Variants in CEP55 observed in about 807,000 individuals in gnomAD.
CEP55 encodes centrosomal protein of 55 kDa.
In CEP55, 57 loss-of-function variants were observed where a neutral mutation model predicts 63.2. That is an observed-to-expected ratio of 0.90 (90% CI 0.73 to 1.13). The LOEUF (loss-of-function observed/expected upper bound fraction) is 1.13. CEP55 is among the 50% of genes most tolerant of loss of function. The pLI is 0.00. For missense variants in CEP55, 456 were observed against 518.9 expected (o/e 0.88, Z 1.18); for synonymous variants, 178 against 191.6 (o/e 0.93, Z 0.59).
intron 3 of CEP55, among the ~76,000 whole-genome samples, chr10:93,504,174 C>T (rs1042610363): frequency 3.3e-5 from 5 of 152,056 alleles, no homozygotes; most frequent in Non-Finnish European, 5.9e-5. Flanking sequence ...ATAATACTAA[C>T]ATTAATATCA....
At chr10:93,521,380 T>C (rs1355016585) in intron 8 of CEP55, among the ~76,000 whole-genome samples, 1 of 152,114 alleles carries the variant, frequency 6.6e-6, no homozygotes, top group Non-Finnish European at 1.5e-5. Context: ...AACTGCAAGG[T>C]AGCAGTGAGG....
At chr10:93,527,811 G>T in intron 8 of CEP55, 139 bp from the exon 9 acceptor site, 1 of 678,936 alleles carries the variant, frequency 1.5e-6, no homozygotes. Flanking sequence ...AGCCTGGGAG[G>T]TCGAGGCTGC....
At chr10:93,499,393 C>CT (rs2057607466) in intron 1 of CEP55, among the ~76,000 whole-genome samples, 1 of 151,906 alleles carries the variant, frequency 6.6e-6, no homozygotes, top group African/African-American at 2.4e-5. Flanking sequence ...TGACCTACTT[C>CT]TTTCAGGCTT....
intron 1 of CEP55, among the ~76,000 whole-genome samples, chr10:93,498,134 G>T (rs1461362984): frequency 2.2e-5 from 3 of 134,120 alleles, no homozygotes; most frequent in Non-Finnish European, 3.1e-5. Flanking sequence ...CTAACGCCCC[G>T]CCCCCGCCAA....
chr10:93,527,096 G>T (rs1181611546), intron 8 of CEP55, among the ~76,000 whole-genome samples: 1 of 149,510 alleles, frequency 6.7e-6, no homozygotes, highest in Non-Finnish European at 1.5e-5. Context: ...AAAAAAAAAA[G>T]AATTTGTAAT....
Position 93,519,762 on chromosome 10 carries a change from G to C in CEP55, c.1146G>C (p.Lys382Asn), listed in dbSNP as rs1328449356. Residue 382 changes from lysine (K) to asparagine (N), a missense_variant, in exon 8 of 9, where the codon AAG becomes AAC. Transcript: ENST00000371485. The part of the protein sequence containing the change: ...HVQHQLHVIL[K>N]ELRKARNQIT... ...AGCATCAATTGCATGTAATTCTTAA[G>C]GAGCTCCGAAAAGCAAGAAATCAAA... The C allele has an allele frequency of 8.1e-6, 13 of 1,614,100 alleles. No individual in the cohort carries two copies. Among genetic ancestry groups the C allele is most frequent in the Non-Finnish European group, 1.1e-5 (13 of 1,179,994 alleles).
intron 4 of CEP55, chr10:93,510,563 AAACCC>A (rs2057735547): frequency 6.6e-6 from 1 of 152,168 alleles, no homozygotes; most frequent in African/African-American, 2.4e-5. Context: ...ACAGCCGTTT[AAACCC>A]ATATACTTCA....
In CEP55 at chr10:93,519,664, G is replaced by A. The variant is rs1387172005; in HGVS notation, c.1066-18G>A. On this transcript the variant is annotated intron_variant, in intron 7 of 8. Coordinates refer to ENST00000371485, the MANE Select transcript of CEP55 (RefSeq NM_018131.5). ...AGTCTGTATCAGCTGTAATGGTCTT[G>A]TTCTGGGCCTTTTCCAGATGCAGGC... is the stretch of plus-strand genomic sequence containing the variant. The A allele has an allele frequency of 1.9e-6, 3 of 1,613,730 alleles. No homozygotes were observed. Among genetic ancestry groups the A allele is most frequent in the East Asian group, 4.5e-5 (2 of 44,888 alleles).
intron 1 of CEP55, among the ~76,000 whole-genome samples, chr10:93,497,796 G>A (rs2057588336): frequency 6.6e-6 from 1 of 152,016 alleles, no homozygotes; most frequent in South Asian, 2.1e-4. Flanking sequence ...TGAACTGGGG[G>A]AACCCTGTGG....
At chr10:93,526,925 A>G (rs1195863278) in intron 8 of CEP55, among the ~76,000 whole-genome samples, 2 of 151,956 alleles carry the variant, frequency 1.3e-5, no homozygotes, top group East Asian at 3.9e-4. Flanking sequence ...ACACCCCAGG[A>G]CCTGTTGTGG....
chr10:93,509,762 A>G (rs981759881), intron 4 of CEP55, among the ~76,000 whole-genome samples: 1 of 152,210 alleles, frequency 6.6e-6, no homozygotes, highest in Non-Finnish European at 1.5e-5. Flanking sequence ...CTGGGATTAC[A>G]GGTGTGAGTC....
chr10:93,521,612 C>T (rs184021620), intron 8 of CEP55, among the ~76,000 whole-genome samples: 150 of 152,256 alleles, frequency 9.9e-4, no homozygotes, highest in Admixed American at 1.6e-3. Flanking sequence ...TCTCCCAGCA[C>T]GCAGCTTGAG....
At chr10:93,517,285 C>G in intron 6 of CEP55, 37 bp downstream of exon 6, 1 of 1,479,694 alleles carries the variant, frequency 6.8e-7, no homozygotes, top group South Asian at 1.3e-5. Context: ...GAGTGTTCAC[C>G]GAACACTTTC....
chr10:93,497,414 C>T (rs140837261), intron 1 of CEP55, among the ~76,000 whole-genome samples: 1 of 152,154 alleles, frequency 6.6e-6, no homozygotes, highest in East Asian at 1.9e-4. Flanking sequence ...TACAGGCGTG[C>T]GCCACCACGC....
chr10:93,509,527 T>G (rs1055541399), intron 4 of CEP55, among the ~76,000 whole-genome samples: 6 of 151,438 alleles, frequency 4.0e-5, no homozygotes, highest in Non-Finnish European at 8.9e-5. Context: ...ACTCTGTCAC[T>G]CAGGTTGGAG....
intron 6 of CEP55, 23 bp from the exon 7 acceptor site, chr10:93,518,854 T>C (rs2057829061): frequency 1.3e-6 from 2 of 1,558,602 alleles, no homozygotes; most frequent in Non-Finnish European, 1.8e-6. Context: ...TGTGACAGCA[T>C]TGGTTCTCTT....
At chr10:93,524,944 A>C (rs2057904752) in intron 8 of CEP55, among the ~76,000 whole-genome samples, 1 of 152,042 alleles carries the variant, frequency 6.6e-6, no homozygotes, top group Non-Finnish European at 1.5e-5. Flanking sequence ...ATATCTCAAA[A>C]TAATAAGAGC....
chr10:93,497,084 C>A (rs1263135929), intron 1 of CEP55, among the ~76,000 whole-genome samples, 161 bp downstream of exon 1: 2 of 151,952 alleles, frequency 1.3e-5, no homozygotes, highest in Non-Finnish European at 2.9e-5. Flanking sequence ...TTTGCAGTTT[C>A]TCTTTTCCTG....
At chr10:93,521,950 A>G (rs943024004) in intron 8 of CEP55, among the ~76,000 whole-genome samples, 4 of 152,216 alleles carry the variant, frequency 2.6e-5, no homozygotes, top group African/African-American at 9.6e-5. Context: ...TCTGTATGTC[A>G]CCATCATCAA....
Sources: allele counts gnomAD v4.1 joint callset (sites outside exome capture counted in the v4.1 genomes callset), GRCh38; gene constraint gnomAD v4.1.1; transcripts MANE v1.5; gene names NCBI Gene and HGNC (gene_info 2026-07-23, HGNC 2026-07-21).